The following CBX2 variants were observed in gnomAD, a reference collection of about 807,000 sequenced individuals.
CBX2 encodes chromobox protein homolog 2.
CBX2 carries 11 observed loss-of-function variants against 21.0 expected under a neutral mutation model. The ratio of observed to expected loss-of-function variants is 0.52; its 90% CI spans 0.33 to 0.87. The LOEUF (loss-of-function observed/expected upper bound fraction) is 0.87, where lower values mean the gene tolerates loss of function less well. CBX2 is among the 40% of genes least tolerant of loss of function. The pLI, the probability that CBX2 is intolerant of heterozygous loss-of-function variation, is 0.02. For missense variants in CBX2, 746 were observed against 724.3 expected, an observed-to-expected ratio of 1.03 and a Z score of -0.34; for synonymous variants, 364 against 304.6, an observed-to-expected ratio of 1.19 and a Z score of -2.03.
At position 79,784,304 on chromosome 17, in the gene CBX2, G is replaced by A. The variant is rs199896631; in HGVS notation, c.861G>A (p.Gly287=). The change falls in exon 5 of 5, where the codon GGG becomes GGA. Residue 287 remains glycine (G), a synonymous_variant. Coordinates refer to ENST00000310942, the MANE Select transcript of CBX2 (RefSeq NM_005189.3). The surrounding 1 kb of genome is among the most constrained non-coding windows in gnomAD (Gnocchi z 5.9). The stretch of plus-strand genomic sequence containing the variant: ...AGGCCACCAACAAGTGCGGCCTCGG[G>A]CTGGACCTGAAGGTGAGGACGCAGA... ...KAQATNKCGL[G]LDLKVRTQKG... is the part of the protein sequence containing the mutation. 1.2e-6 allele frequency: 2 copies of A among 1,613,202 alleles called. No individual in the cohort carries two copies. Among genetic ancestry groups the A allele is most frequent in the African/African-American group, 2.7e-5 (2 of 75,068 alleles).
Position 79,784,543 on chromosome 17 carries a change from G to C in CBX2, c.1100G>C (p.Gly367Ala). Residue 367 changes from glycine (G) to alanine (A), a missense_variant, in exon 5 of 5, where the codon GGG becomes GCG. This residue lies in a region of CBX2 where 701 missense variants were observed against 650.7 expected (regional missense o/e 1.08). Coordinates refer to ENST00000310942, the MANE Select transcript of CBX2 (RefSeq NM_005189.3). This position sits in a 1 kb window ranked among gnomAD's most constrained non-coding sequence, Gnocchi z 5.9. The part of the protein sequence containing the change: ...DLQSVKNGMP[G>A]VGLLARHATA... ...CAGAGTGTCAAGAATGGCATGCCCG[G>C]GGTGGGTCTCCTTGCCCGCCACGCC... 6.2e-7 allele frequency: 1 copy of C among 1,612,684 alleles called. No homozygotes were observed. Among genetic ancestry groups the C allele is most frequent in the Non-Finnish European group, 8.5e-7 (1 of 1,179,930 alleles).
rs1288787636 is a variant in CBX2 at position 79,786,276 on chromosome 17, G to A, written c.*1234G>A. 1 of 152,754 alleles carries A rather than the reference G, an allele frequency of 6.5e-6. No homozygotes were observed. The highest frequency in any genetic ancestry group is 1.5e-5 in the Non-Finnish European group (1 of 68,096). The allele number at this position is 152,754 out of a possible 1,614,324, so 9.5% of individuals were successfully genotyped here. On this transcript the variant is annotated 3_prime_UTR_variant, in exon 5 of 5. Coordinates refer to ENST00000310942, the MANE Select transcript of CBX2 (RefSeq NM_005189.3). ...TCCTGTGTGGGGCCCTGCCCAAGTG[G>A]ATGAGGCATTCCTTGAGGAGTATCA...
In CBX2 at chr17:79,784,040, G is replaced by A; in HGVS notation, c.597G>A (p.Lys199=). Residue 199 remains lysine, a synonymous_variant, in exon 5 of 5, where the codon AAG becomes AAA. Transcript: ENST00000310942. This position sits in a 1 kb window ranked among gnomAD's most constrained non-coding sequence, Gnocchi z 5.9. ...AGGATCTGGGGGCCCCGGCCAGCAA[G>A]CTGCCCCCTCCACTCAGCGCCCCCG... ...ARKDLGAPAS[K]LPPPLSAPVA... is the part of the protein sequence containing the mutation. 1 of 1,612,858 alleles carries A rather than the reference G, an allele frequency of 6.2e-7. No individual in the cohort carries two copies. Among genetic ancestry groups the A allele is most frequent in the African/African-American group, 1.3e-5 (1 of 75,062 alleles).
At chr17:79,782,034 G>C in intron 4 of CBX2, 1 of 1,613,994 alleles carries the variant, frequency 6.2e-7, no homozygotes, top group Admixed American at 1.7e-5. Context: ...TCCTGCTTCA[G>C]CCTGTCCTGC....
chr17:79,781,929 T>G lies in CBX2; in HGVS notation c.288+128T>G, dbSNP rs782733121. 3 of 1,614,140 alleles carry G rather than the reference T, an allele frequency of 1.9e-6. 1 individual carries two copies. The South Asian group carries it at 3.3e-5, about 18-fold the overall frequency. Reference sequence around the variant, plus strand: ...TTCTGCCAACAGTCTGTCCCTCTACTCGGAAAACAGGAGCCCCCTTTCTTC... The same window carrying G: ...TTCTGCCAACAGTCTGTCCCTCTACGCGGAAAACAGGAGCCCCCTTTCTTC... On this transcript the variant is annotated intron_variant, in intron 4 of 4. Coordinates refer to ENST00000310942, the MANE Select transcript of CBX2 (RefSeq NM_005189.3).
chr17:79,780,996 T>C (rs1460690600), intron 3 of CBX2, among the ~76,000 whole-genome samples: 1 of 151,382 alleles, frequency 6.6e-6, no homozygotes, highest in African/African-American at 2.4e-5. Flanking sequence ...ATACAGGCTT[T>C]CCCTGGGGGC....
At position 79,778,215 on chromosome 17, in the gene CBX2, T is replaced by G. The variant is rs782717009; in HGVS notation, c.-21T>G. ...GGGTGACTGGCGGCGGGCGCCGCGG[T>G]CGGGCTGGCTGCCGGGCAGCATGGA... On this transcript the variant is annotated 5_prime_UTR_variant, in exon 1 of 5. Transcript: ENST00000310942. This position sits in a 1 kb window ranked among gnomAD's most constrained non-coding sequence, Gnocchi z 4.8. The G allele has an allele frequency of 7.5e-7, 1 of 1,325,796 alleles. No homozygotes were observed. The highest frequency in any genetic ancestry group is 9.6e-7 in the Non-Finnish European group (1 of 1,036,436). 82.1% of individuals were successfully genotyped at this position (1,325,796 alleles called of 1,614,324 possible).
chr17:79,779,720 G>C (rs781974938), intron 3 of CBX2: 1 of 467,490 alleles, frequency 2.1e-6, no homozygotes, highest in Admixed American at 3.3e-5. Context: ...AGTTGCTTCA[G>C]ATAAAGATGT....
chr17:79,780,536 A>T (rs1907101091), intron 3 of CBX2, among the ~76,000 whole-genome samples: 2 of 152,138 alleles, frequency 1.3e-5, no homozygotes, highest in South Asian at 2.1e-4. Context: ...GCTTCTCTGG[A>T]TCTAAGACGG....
In CBX2 at chr17:79,784,223, G is replaced by A; in HGVS notation, c.780G>A (p.Met260Ile). 1 of 1,612,982 alleles carries A rather than the reference G, an allele frequency of 6.2e-7. No homozygotes were observed. Among genetic ancestry groups the A allele is most frequent in the Non-Finnish European group, 8.5e-7 (1 of 1,179,968 alleles). Residue 260 changes from methionine (M) to isoleucine (I), a missense_variant, in exon 5 of 5, where the codon ATG becomes ATA. Around this residue, in one of 2 missense-constraint regions of CBX2, gnomAD observed 701 missense variants for 650.7 expected, o/e 1.08. Transcript: ENST00000310942. This position sits in a 1 kb window ranked among gnomAD's most constrained non-coding sequence, Gnocchi z 5.9. Reference sequence around the variant, plus strand: ...GGCAGAGCTCCATCGTGCACTACATGAACCGGATGACCCAGAGCCAGGCCC... The same window carrying A: ...GGCAGAGCTCCATCGTGCACTACATAAACCGGATGACCCAGAGCCAGGCCC... ...ISWQSSIVHYMNRMTQSQAQA... is the reference protein window; with the variant it reads ...ISWQSSIVHYINRMTQSQAQA...
rs1907548028 is a variant in CBX2, at chr17:79,785,136, T to G, written c.*94T>G. 2 of 1,143,990 alleles carry G rather than the reference T, an allele frequency of 1.7e-6. No individual in the cohort carries two copies. The highest frequency in any genetic ancestry group is 4.8e-5 in the East Asian group (2 of 41,338). 70.9% of individuals were successfully genotyped at this position (1,143,990 alleles called of 1,614,324 possible). A position where few individuals can be genotyped will look rare whatever the true frequency, so the allele number is the denominator to read the frequency against. ...CTCCCAGCCCAAGCCCCCTCAAGAG[T>G]CTGGGTCGGGGGAGGAGGAGTGGGT... On this transcript the variant is annotated 3_prime_UTR_variant, in exon 5 of 5. Transcript: ENST00000310942.
In CBX2 at chr17:79,787,622, C is replaced by G. The variant is rs1907729256; in HGVS notation, c.*2580C>G. ...TGTTTGTGTAGCTAGGTATCTGGCACTTCTGACGATGCATTGTTGCTTTTT... is the reference window on the plus strand; with the variant it reads ...TGTTTGTGTAGCTAGGTATCTGGCAGTTCTGACGATGCATTGTTGCTTTTT... On this transcript the variant is annotated 3_prime_UTR_variant, in exon 5 of 5. Transcript: ENST00000310942. 1 of 152,382 alleles carries G rather than the reference C, an allele frequency of 6.6e-6. No individual in the cohort carries two copies. Among genetic ancestry groups the G allele is most frequent in the African/African-American group, 2.4e-5 (1 of 41,434 alleles). 9.4% of individuals were successfully genotyped at this position (152,382 alleles called of 1,614,324 possible).
At position 79,779,469 on chromosome 17, in the gene CBX2, C is replaced by CGGTGGCT. The variant is rs541210925; in HGVS notation, c.182+46_182+52dup. The stretch of plus-strand genomic sequence containing the variant: ...CACTGGGGAGGGTGTGGGGGAGGGA[C>CGGTGGCT]GGTGGCTGGTTGGAGTCGTGCTGGG... On this transcript the variant is annotated intron_variant, in intron 3 of 4. Coordinates refer to ENST00000310942, the MANE Select transcript of CBX2 (RefSeq NM_005189.3). 2.4e-4 allele frequency: 378 copies of CGGTGGCT among 1,582,790 alleles called. 4 individuals are homozygous for CGGTGGCT. In the East Asian group the frequency reaches 4.8e-3, roughly 20 times the overall value.
rs62075174 is a variant in CBX2 at position 79,783,788 on chromosome 17, A to G, written c.345A>G (p.Ser115=). Residue 115 remains serine, a synonymous_variant, in exon 5 of 5, where the codon TCA becomes TCG. Transcript: ENST00000310942. The part of the protein sequence containing the change: ...KSSSSSSSST[S]SSSSSDEEDD... ...GCAGTTCCTCCTCTTCCTCCACGTC[A>G]TCCTCCTCTTCCTCAGATGAAGAGG... 1.7e-4 allele frequency: 269 copies of G among 1,575,676 alleles called. No homozygotes were observed. Among genetic ancestry groups the G allele is most frequent in the East Asian group, 3.6e-4 (15 of 42,150 alleles).
In CBX2 at chr17:79,785,383, T is replaced by C. The variant is rs1019018389; in HGVS notation, c.*341T>C. 5 of 388,146 alleles carry C rather than the reference T, an allele frequency of 1.3e-5. No individual in the cohort carries two copies. In the Admixed American group the frequency reaches 1.9e-4, roughly 15 times the overall value. The allele number at this position is 388,146 out of a possible 1,614,324, so 24.0% of individuals were successfully genotyped here. ...TCTTCATGGCTGCGTTGTTGCTGAG[T>C]TTGAACTGCTCCTCCCTGGCCTGCG... is the stretch of plus-strand genomic sequence containing the variant. On this transcript the variant is annotated 3_prime_UTR_variant, in exon 5 of 5. Transcript: ENST00000310942.
chr17:79,785,496 TG>T lies in CBX2; in HGVS notation c.*457del. 1 of 226,158 alleles carries T rather than the reference TG, an allele frequency of 4.4e-6. No homozygotes were observed. The highest frequency in any genetic ancestry group is 9.0e-6 in the Non-Finnish European group (1 of 110,766). The allele number at this position is 226,158 out of a possible 1,614,324, so 14.0% of individuals were successfully genotyped here. A position where few individuals can be genotyped will look rare whatever the true frequency, so the allele number is the denominator to read the frequency against. On this transcript the variant is annotated 3_prime_UTR_variant, in exon 5 of 5. Coordinates refer to ENST00000310942, the MANE Select transcript of CBX2 (RefSeq NM_005189.3). ...GCCCACCTTGCCTTCAGCCCTGGAG[TG>T]GGCAGAGAGTATTGTGGGGAGGCAT...
chr17:79,779,597 G>T (rs1907014069), intron 3 of CBX2, 170 bp downstream of exon 3: 1 of 649,522 alleles, frequency 1.5e-6, no homozygotes. Context: ...AAAGTCCCCA[G>T]CCAGCCCCTC....
rs3751958 is a variant in CBX2 at position 79,785,066 on chromosome 17, G to A, written c.*24G>A. On this transcript the variant is annotated 3_prime_UTR_variant, in exon 5 of 5. Transcript: ENST00000310942. Reference sequence around the variant, plus strand: ...GAAGCCCCGGCGCCACCAGCTGCGCGGTCTTACTCCCCTTCCCTGCCTATG... The same window carrying A: ...GAAGCCCCGGCGCCACCAGCTGCGCAGTCTTACTCCCCTTCCCTGCCTATG... The A allele has an allele frequency of 9.2e-4, 1,456 of 1,577,908 alleles. 20 individuals are homozygous for A. The East Asian group carries it at 0.025, about 27-fold the overall frequency.
At chr17:79,781,670 C>T (rs1598222562) in intron 3 of CBX2, 26 bp from the exon 4 acceptor site, 2 of 1,592,588 alleles carry the variant, frequency 1.3e-6, no homozygotes, top group Non-Finnish European at 1.7e-6. Flanking sequence ...GGGCTTCTCC[C>T]CCATTAACTA....
Sources: gnomAD v4.1 joint callset for allele counts (sites outside exome capture counted in the v4.1 genomes callset) on GRCh38, gnomAD v4.1.1 for gene constraint, gnomAD v4.1.1 regional missense constraint, Gnocchi (gnomAD v3.1) non-coding constraint, MANE v1.5 for transcripts, NCBI Gene and HGNC (gene_info 2026-07-23, HGNC 2026-07-21) for gene names.